Variants in TDRD9 observed in about 807,000 individuals in gnomAD.
The protein encoded by TDRD9 is tudor domain containing 9.
A neutral mutation model predicts 172.6 loss-of-function variants in TDRD9; 124 were observed. The observed-to-expected ratio is 0.72, with a 90% CI of 0.62 to 0.83. TDRD9 has a LOEUF of 0.83. TDRD9 is among the 40% of genes least tolerant of loss of function. The pLI is 0.00. For missense variants in TDRD9, 1,479 were observed against 1,714.1 expected, an observed-to-expected ratio of 0.86 and a Z score of 2.42; for synonymous variants, 619 against 617.1, an observed-to-expected ratio of 1.00 and a Z score of -0.05.
At position 103,966,716 on chromosome 14, in the gene TDRD9, T is replaced by G; in HGVS notation, c.650T>G (p.Leu217Arg). The G allele has an allele frequency of 1.9e-6, 3 of 1,544,312 alleles. No homozygotes were observed. Among genetic ancestry groups the G allele is most frequent in the Non-Finnish European group, 2.6e-6 (3 of 1,143,326 alleles). Residue 217 changes from leucine to arginine, a missense_variant, in exon 5 of 36, where the codon CTA becomes CGA. By Grantham distance (102) the Leu-to-Arg change is moderately radical (BLOSUM62 -2). Transcript: ENST00000409874. ...TTCCTTCTCCAATTTTAGGTAGGGCTAGAGAAAATAGCAACAGAGGACACC... is the reference window on the plus strand; with the variant it reads ...TTCCTTCTCCAATTTTAGGTAGGGCGAGAGAAAATAGCAACAGAGGACACC... ...LGGVVGYQVG[L>R]EKIATEDTRL...
intron 20 of TDRD9, among the ~76,000 whole-genome samples, chr14:104,013,489 A>G (rs1230337076): frequency 3.9e-5 from 6 of 152,178 alleles, no homozygotes; most frequent in African/African-American, 1.2e-4. Context: ...GGGTGGGCAC[A>G]GTTATGCGTT....
intron 1 of TDRD9, among the ~76,000 whole-genome samples, chr14:103,949,518 A>C (rs1015904705): frequency 6.6e-6 from 1 of 152,232 alleles, no homozygotes; most frequent in African/African-American, 2.4e-5. Flanking sequence ...TCTGATTATA[A>C]ACAATTTCAT....
At chr14:103,971,766 T>G (rs1244159793) in intron 6 of TDRD9, among the ~76,000 whole-genome samples, 2 of 152,216 alleles carry the variant, frequency 1.3e-5, no homozygotes, top group Non-Finnish European at 2.9e-5. Flanking sequence ...ACTCTCATAT[T>G]TTCTCCAGGC....
Position 103,998,733 on chromosome 14 carries a change from G to A in TDRD9, c.1483+5G>A, listed in dbSNP as rs761858419. The A allele has an allele frequency of 2.7e-6, 4 of 1,465,230 alleles. No homozygotes were observed. The highest frequency in any genetic ancestry group is 3.8e-6 in the Non-Finnish European group (4 of 1,045,062). The allele number at this position is 1,465,230 out of a possible 1,614,324, so 90.8% of individuals were successfully genotyped here. A position where few individuals can be genotyped will look rare whatever the true frequency, so the allele number is the denominator to read the frequency against. Reference sequence around the variant, plus strand: ...CCAGCTGTAATCAGAGAAAAGGTAAGACATTTGTGTTAAAGCACAATAATG... The same window carrying A: ...CCAGCTGTAATCAGAGAAAAGGTAAAACATTTGTGTTAAAGCACAATAATG... On this transcript the variant is annotated splice_donor_5th_base_variant and intron_variant, in intron 13 of 35. Transcript: ENST00000409874.
chr14:103,952,220 A>ATATAT (rs1595907597), intron 1 of TDRD9, among the ~76,000 whole-genome samples: 1 of 32,336 alleles, frequency 3.1e-5, no homozygotes. Flanking sequence ...ATATATATAT[A>ATATAT]TTTTTTTTTT....
chr14:103,952,220 ATTTTTTTTTTTTTTTTTTT>A (rs61410445), intron 1 of TDRD9, among the ~76,000 whole-genome samples: 16 of 32,328 alleles, frequency 4.9e-4, no homozygotes, highest in Admixed American at 4.1e-3. Context: ...ATATATATAT[ATTTTTTTTTTTTTTTTTTT>A]TTTTTTTTTT....
chr14:103,977,460 T>C, intron 7 of TDRD9, among the ~76,000 whole-genome samples: 1 of 112,086 alleles, frequency 8.9e-6, no homozygotes, highest in African/African-American at 3.5e-5. Flanking sequence ...ACCACTGCAC[T>C]CCAGCCTGGG....
chr14:103,968,782 T>A (rs1327869587), intron 5 of TDRD9, among the ~76,000 whole-genome samples: 5 of 2,908 alleles, frequency 1.7e-3, no homozygotes, highest in Non-Finnish European at 5.3e-3. Context: ...GGCGACAGAG[T>A]GAGACTCTGT....
At chr14:103,987,217 T>G (rs2033703680) in intron 8 of TDRD9, among the ~76,000 whole-genome samples, 1 of 152,168 alleles carries the variant, frequency 6.6e-6, no homozygotes, top group Non-Finnish European at 1.5e-5. Context: ...TCCATAGTTT[T>G]GCCTTTTCCA....
intron 13 of TDRD9, among the ~76,000 whole-genome samples, chr14:104,003,601 C>G (rs1004768653): frequency 6.6e-6 from 1 of 152,202 alleles, no homozygotes; most frequent in Non-Finnish European, 1.5e-5. Flanking sequence ...CCTCCCTTCA[C>G]TCTCTCTCCT....
At chr14:103,929,590 C>T (rs1394099082) in intron 1 of TDRD9, among the ~76,000 whole-genome samples, 1 of 151,486 alleles carries the variant, frequency 6.6e-6, no homozygotes, top group African/African-American at 2.4e-5. Context: ...CGCCATCTCG[C>T]CTCACTGCAA....
intron 1 of TDRD9, among the ~76,000 whole-genome samples, chr14:103,938,434 ATATATATT>A (rs1185497504): frequency 1.1e-4 from 4 of 34,932 alleles, no homozygotes; most frequent in African/African-American, 4.0e-4. Context: ...ATATATATAT[ATATATATT>A]TTTTTTTTTT....
chr14:103,938,432 A>ATTTTTTTT lies in TDRD9; in HGVS notation c.215+9709_215+9710insTTTTTTTT, dbSNP rs1343962171. Among the ~76,000 whole-genome samples the ATTTTTTTT allele has an allele frequency of 1.3e-3, 48 of 37,150 alleles. 6 individuals are homozygous for ATTTTTTTT. The highest frequency in any genetic ancestry group is 4.7e-3 in the African/African-American group (44 of 9,446). The allele number at this position is 37,150 out of a possible 152,430, so 24.4% of individuals were successfully genotyped here. ...TGTGTGTGTATATATATATATATAT[A>ATTTTTTTT]TATATATATTTTTTTTTTTTTTTTG... is the stretch of plus-strand genomic sequence containing the variant. On this transcript the variant is annotated intron_variant, in intron 1 of 35. Transcript: ENST00000409874.
At chr14:104,024,895 C>A (rs2035068265) in intron 25 of TDRD9, among the ~76,000 whole-genome samples, 3 of 151,966 alleles carry the variant, frequency 2.0e-5, no homozygotes, top group Non-Finnish European at 4.4e-5. Context: ...CATACTTATT[C>A]TAGAATCAAA....
rs1013160136 is a variant in TDRD9 at position 103,947,314 on chromosome 14, GTTT to G, written c.216-8344_216-8342del. On this transcript the variant is annotated intron_variant, in intron 1 of 35. Coordinates refer to ENST00000409874, the MANE Select transcript of TDRD9 (RefSeq NM_153046.3). ...TTTTTTTTGTTTGTTTGTTTGTTTT[GTTT>G]TTTTTGTTTTTTTGTTTTTTTTTGT... Among the ~76,000 whole-genome samples, 9 of 151,164 alleles carry G rather than the reference GTTT, an allele frequency of 6.0e-5. No individual in the cohort carries two copies. The South Asian group carries it at 1.7e-3, about 28-fold the overall frequency.
rs1459879233 is a variant in TDRD9, at chr14:104,031,362, T to C, written c.3438+99T>C. Reference sequence around the variant, plus strand: ...CAGTAGTCATGGTGGTTTTTTCTTTTCTGGCTTTTAATGCTGTTACTTTTC... The same window carrying C: ...CAGTAGTCATGGTGGTTTTTTCTTTCCTGGCTTTTAATGCTGTTACTTTTC... On this transcript the variant is annotated intron_variant, in intron 29 of 35. Coordinates refer to ENST00000409874, the MANE Select transcript of TDRD9 (RefSeq NM_153046.3). 4 of 1,093,756 alleles carry C rather than the reference T, an allele frequency of 3.7e-6. No individual in the cohort carries two copies. In the East Asian group the frequency reaches 7.8e-5, roughly 21 times the overall value. The allele number at this position is 1,093,756 out of a possible 1,614,324, so 67.8% of individuals were successfully genotyped here. A position where few individuals can be genotyped will look rare whatever the true frequency, so the allele number is the denominator to read the frequency against.
chr14:104,016,503 G>GAA (rs1281156511), intron 22 of TDRD9, among the ~76,000 whole-genome samples: 1 of 152,222 alleles, frequency 6.6e-6, no homozygotes, highest in African/African-American at 2.4e-5. Flanking sequence ...ATGCCCAACA[G>GAA]AACTACCTGG....
intron 20 of TDRD9, chr14:104,013,713 A>G (rs1278917067): frequency 6.7e-6 from 1 of 148,868 alleles, no homozygotes; most frequent in African/African-American, 2.5e-5. Flanking sequence ...ACTTGAGCGT[A>G]GGAGTTCTGG....
chr14:103,980,025 A>G lies in TDRD9; in HGVS notation c.1011+4472A>G, dbSNP rs879256730. ...CAAGAAGCTATGACTACAGATGCAT[A>G]CCACCATGCTTGGCTAATTAAAAAA... On this transcript the variant is annotated intron_variant, in intron 7 of 35. Coordinates refer to ENST00000409874, the MANE Select transcript of TDRD9 (RefSeq NM_153046.3). This position sits in a 1 kb window ranked among gnomAD's most constrained non-coding sequence, Gnocchi z 4.5. Among the ~76,000 whole-genome samples, 17 of 151,964 alleles carry G rather than the reference A, an allele frequency of 1.1e-4. No homozygotes were observed. The highest frequency in any genetic ancestry group is 1.5e-4 in the Non-Finnish European group (10 of 68,006).
Sources: gnomAD v4.1 joint callset for allele counts (sites outside exome capture counted in the v4.1 genomes callset) on GRCh38, gnomAD v4.1.1 for gene constraint, Gnocchi (gnomAD v3.1) non-coding constraint, MANE v1.5 for transcripts, NCBI Gene and HGNC (gene_info 2026-07-23, HGNC 2026-07-21) for gene names.